NBEA: variants seen among roughly 807,000 people sequenced by gnomAD.
The protein encoded by NBEA is neurobeachin, also known as lysosomal-trafficking regulator 2.
Under a neutral mutation model 343.4 loss-of-function variants are expected in NBEA, and 44 were observed. The ratio of observed to expected loss-of-function variants is 0.13; its 90% CI spans 0.10 to 0.16. NBEA has a LOEUF of 0.16. NBEA is among the 10% of genes least tolerant of loss of function. The pLI is 1.00. For missense variants in NBEA, 2,555 were observed against 3,631.3 expected (o/e 0.70, Z 7.62); for synonymous variants, 1,175 against 1,238.7 (o/e 0.95, Z 1.08).
chr13:35,531,390 C>A (rs2078255780), intron 41 of NBEA, among the ~76,000 whole-genome samples: 1 of 152,128 alleles, frequency 6.6e-6, no homozygotes, highest in African/African-American at 2.4e-5. Flanking sequence ...TAGAACATAT[C>A]TGACCATATT....
chr13:35,628,023 G>T (rs539431058), intron 48 of NBEA, 58 bp from the exon 49 acceptor site: 5 of 1,288,252 alleles, frequency 3.9e-6, no homozygotes, highest in South Asian at 3.1e-5. Context: ...AAAAATAAAA[G>T]GATATGAAGG....
intron 34 of NBEA, among the ~76,000 whole-genome samples, chr13:35,276,965 G>A (rs569280250): frequency 7.2e-5 from 11 of 152,082 alleles, no homozygotes; most frequent in Non-Finnish European, 1.5e-4. Context: ...TTTAGAGAAC[G>A]GTTTACTTTT....
At chr13:35,652,788 G>C (rs1160263983) in intron 53 of NBEA, among the ~76,000 whole-genome samples, 1 of 117,972 alleles carries the variant, frequency 8.5e-6, no homozygotes, top group East Asian at 3.1e-4. Flanking sequence ...TCCGCCTCCC[G>C]GGTTCACGCC....
intron 1 of NBEA, among the ~76,000 whole-genome samples, chr13:34,983,515 A>G (rs2060435393): frequency 6.6e-6 from 1 of 152,200 alleles, no homozygotes; most frequent in Admixed American, 6.5e-5. Flanking sequence ...AGTATGATTT[A>G]TAATCTTTTG....
intron 38 of NBEA, among the ~76,000 whole-genome samples, chr13:35,414,921 C>G (rs1274511862): frequency 6.6e-6 from 1 of 152,168 alleles, no homozygotes; most frequent in African/African-American, 2.4e-5. Context: ...CAATGATCGC[C>G]ATTCTAACTG....
At chr13:35,587,546 G>A (rs1350067665) in intron 46 of NBEA, among the ~76,000 whole-genome samples, 1 of 152,038 alleles carries the variant, frequency 6.6e-6, no homozygotes, top group Non-Finnish European at 1.5e-5. Context: ...CTGAGAAAAT[G>A]TTATCAACTG....
At chr13:35,112,747 C>T (rs1226833801) in intron 13 of NBEA, among the ~76,000 whole-genome samples, 2 of 152,084 alleles carry the variant, frequency 1.3e-5, no homozygotes, top group African/African-American at 4.8e-5. Context: ...CTCTCATGCT[C>T]TCTTTTTATG....
At chr13:35,291,842 T>A (rs1251100598) in intron 35 of NBEA, among the ~76,000 whole-genome samples, 1 of 151,938 alleles carries the variant, frequency 6.6e-6, no homozygotes, top group Non-Finnish European at 1.5e-5. Flanking sequence ...AGATATTGAT[T>A]GAAAGGAAGA....
chr13:35,245,708 G>A (rs2031088587), intron 34 of NBEA, among the ~76,000 whole-genome samples: 1 of 152,104 alleles, frequency 6.6e-6, no homozygotes, highest in African/African-American at 2.4e-5. Flanking sequence ...TTGCCCAACA[G>A]CTCTTCAAAT....
rs1210919502 is a variant in NBEA, at chr13:35,196,062, C to T, written c.5126C>T (p.Ser1709Phe). The change falls in exon 31 of 59, where the codon TCC (serine) becomes TTC (phenylalanine). Residue 1709 changes from serine to phenylalanine, a missense_variant. Ser to Phe is a radical substitution (Grantham distance 155). This residue lies in a region of NBEA where 270 missense variants were observed against 293.3 expected (regional missense o/e 0.92). Coordinates refer to ENST00000379939, the MANE Select transcript of NBEA (RefSeq NM_001385012.1). ...AMSELLSTLS[S>F]EVKKSQESLT... ...AGTGAACTCTTATCCACTTTGTCAT[C>T]CGAAGTGAAGAAATCACAAGAGAGC... The T allele has an allele frequency of 6.2e-7, 1 of 1,613,578 alleles. No homozygotes were observed. The highest frequency in any genetic ancestry group is 8.5e-7 in the Non-Finnish European group (1 of 1,179,732).
rs1316534123 is a variant in NBEA, at chr13:35,182,528, G to A, written c.4831G>A (p.Val1611Ile). 1 of 1,603,696 alleles carries A rather than the reference G, an allele frequency of 6.2e-7. No individual in the cohort carries two copies. Among genetic ancestry groups the A allele is most frequent in the Non-Finnish European group, 8.5e-7 (1 of 1,174,696 alleles). Residue 1611 changes from valine to isoleucine, a missense_variant and splice_region_variant, in exon 29 of 59, where the codon GTT becomes ATT. Around this residue, in one of 21 missense-constraint regions of NBEA, gnomAD observed 270 missense variants for 293.3 expected, o/e 0.92. Coordinates refer to ENST00000379939, the MANE Select transcript of NBEA (RefSeq NM_001385012.1). ...RQEINSPTST[V>I]VVIPSIPHPS... ...AGAAATAAATTCACCAACAAGTACAGGTACTTAACATTGTATAATTATTTG... is the reference window on the plus strand; with the variant it reads ...AGAAATAAATTCACCAACAAGTACAAGTACTTAACATTGTATAATTATTTG...
chr13:35,611,464 T>C (rs2082519018), intron 48 of NBEA, among the ~76,000 whole-genome samples: 2 of 152,222 alleles, frequency 1.3e-5, no homozygotes, highest in African/African-American at 4.8e-5. Context: ...TTATATATCA[T>C]AAAATTCACT....
chr13:35,456,721 C>T (rs535944251), intron 40 of NBEA, among the ~76,000 whole-genome samples: 23 of 151,832 alleles, frequency 1.5e-4, no homozygotes, highest in Non-Finnish European at 2.8e-4. Flanking sequence ...ACCAATGAAA[C>T]GTATTTCATT....
intron 16 of NBEA, among the ~76,000 whole-genome samples, chr13:35,120,501 G>A (rs183289317): frequency 3.0e-4 from 45 of 152,226 alleles, no homozygotes; most frequent in Admixed American, 5.2e-4. Flanking sequence ...AGTGGCTAAC[G>A]AATTTATATG....
At position 35,159,108 on chromosome 13, in the gene NBEA, G is replaced by A; in HGVS notation, c.2937G>A (p.Gly979=). The change falls in exon 22 of 59, where the codon GGG becomes GGA. Residue 979 remains glycine (G), a synonymous_variant. Coordinates refer to ENST00000379939, the MANE Select transcript of NBEA (RefSeq NM_001385012.1). ...EEENIKKGKK[G]NVSTISGLSS... ...AAAACATTAAAAAGGGAAAGAAAGGGAATGTGAGCACCATCTCTGGTCTTT... is the reference window on the plus strand; with the variant it reads ...AAAACATTAAAAAGGGAAAGAAAGGAAATGTGAGCACCATCTCTGGTCTTT... 6.2e-7 allele frequency: 1 copy of A among 1,613,524 alleles called. No homozygotes were observed. The highest frequency in any genetic ancestry group is 8.5e-7 in the Non-Finnish European group (1 of 1,179,624).
chr13:35,076,627 C>T (rs2064131538), intron 10 of NBEA, among the ~76,000 whole-genome samples: 1 of 151,948 alleles, frequency 6.6e-6, no homozygotes, highest in Non-Finnish European at 1.5e-5. Flanking sequence ...TGACCCTTCA[C>T]TCCCTCTCTC....
At chr13:35,269,599 C>T (rs970818041) in intron 34 of NBEA, among the ~76,000 whole-genome samples, 3 of 151,996 alleles carry the variant, frequency 2.0e-5, no homozygotes, top group East Asian at 1.9e-4. Flanking sequence ...GTAGTGGAAA[C>T]GAATATAGAA....
intron 51 of NBEA, among the ~76,000 whole-genome samples, chr13:35,646,626 T>C (rs1034789599): frequency 1.3e-5 from 2 of 152,184 alleles, no homozygotes; most frequent in Non-Finnish European, 2.9e-5. Context: ...CACACAGGCA[T>C]AGAGACACAC....
chr13:35,373,856 G>T (rs1010810703), intron 38 of NBEA, among the ~76,000 whole-genome samples: 12 of 152,050 alleles, frequency 7.9e-5, no homozygotes, highest in African/African-American at 2.9e-4. Context: ...AAAGGGGTTG[G>T]TCTTGCTGTC....
Sources: allele counts gnomAD v4.1 joint callset (sites outside exome capture counted in the v4.1 genomes callset), GRCh38; gene constraint gnomAD v4.1.1; regional missense constraint gnomAD v4.1.1; transcripts MANE v1.5; gene names NCBI Gene and HGNC (gene_info 2026-07-23, HGNC 2026-07-21).